DAB1: variants seen among roughly 807,000 people sequenced by gnomAD.
DAB1 encodes the protein DAB adaptor protein 1.
Under a neutral mutation model 64.6 loss-of-function variants are expected in DAB1, and 15 were observed. The observed-to-expected ratio is 0.23, with a 90% CI of 0.16 to 0.36. The LOEUF (loss-of-function observed/expected upper bound fraction) is 0.36. Among genes scored for constraint, DAB1 ranks in the 10% least tolerant of loss-of-function variants. DAB1 has a pLI of 1.00. For missense variants in DAB1, 596 were observed against 706.7 expected (o/e 0.84, Z 1.78); for synonymous variants, 235 against 251.9 (o/e 0.93, Z 0.64).
intron 3 of DAB1, among the ~76,000 whole-genome samples, chr1:58,455,298 A>G (rs1363439265): frequency 6.6e-6 from 1 of 152,260 alleles, no homozygotes; most frequent in Non-Finnish European, 1.5e-5. Context: ...TTGCCCTTCC[A>G]CAGGGCGAGG....
chr1:57,473,971 A>G (rs1183921129), intron 7 of DAB1, among the ~76,000 whole-genome samples: 1 of 152,220 alleles, frequency 6.6e-6, no homozygotes, highest in Non-Finnish European at 1.5e-5. Flanking sequence ...CAGATTTACG[A>G]TCAATATAAA....
chr1:57,621,014 T>G (rs1047579441), intron 7 of DAB1, among the ~76,000 whole-genome samples: 7 of 150,998 alleles, frequency 4.6e-5, no homozygotes, highest in African/African-American at 9.7e-5. Flanking sequence ...TGTGTCTGGG[T>G]GTGTGTGTGT....
chr1:57,039,372 G>A (rs1166922163), intron 9 of DAB1, among the ~76,000 whole-genome samples: 1 of 152,144 alleles, frequency 6.6e-6, no homozygotes, highest in African/African-American at 2.4e-5. Flanking sequence ...GAGGGCAGGA[G>A]GAAAAATAGT....
intron 3 of DAB1, among the ~76,000 whole-genome samples, chr1:58,422,113 C>T (rs1644778209): frequency 6.6e-6 from 1 of 152,012 alleles, no homozygotes; most frequent in African/African-American, 2.4e-5. Context: ...GCATTTCATA[C>T]CTATTCCCAC....
At position 58,197,181 on chromosome 1, in the gene DAB1, C is replaced by CTGTG. The variant is rs1258211985; in HGVS notation, n.310-46594_310-46593insCACA. Among the ~76,000 whole-genome samples the CTGTG allele has an allele frequency of 3.3e-5, 5 of 152,214 alleles. No individual in the cohort carries two copies. The East Asian group carries it at 9.7e-4, about 29-fold the overall frequency. ...ACCCCCTGCAAGCTTCAGTGGCCTA[C>CTGTG]AACATGAATGAAAAGTGAGGTTTTA... On this transcript the variant is annotated intron_variant and non_coding_transcript_variant, in intron 4 of 20. Transcript: ENST00000485760.
rs55950458 is a variant in DAB1 at position 57,387,821 on chromosome 1, C to CAAAAAAA, written c.-137+36102_-137+36108dup. 2.9e-3 allele frequency among the ~76,000 whole-genome samples: 302 copies of CAAAAAAA among 104,086 alleles called. 1 individual carries two copies. Among genetic ancestry groups the CAAAAAAA allele is most frequent in the African/African-American group, 7.0e-3 (197 of 28,198 alleles). 68.3% of individuals were successfully genotyped at this position (104,086 alleles called of 152,430 possible). ...TGGGTGACAGAGCAAGACTCAGCCT[C>CAAAAAAA]AAAAAAAAAAAAAAAAAAGAGAGAG... On this transcript the variant is annotated intron_variant, in intron 1 of 14. Transcript: ENST00000371236.
Position 57,015,061 on chromosome 1 carries a change from C to T in DAB1, c.1266G>A (p.Gln422=), listed in dbSNP as rs1280975488. 1.2e-6 allele frequency: 2 copies of T among 1,614,032 alleles called. No homozygotes were observed. The highest frequency in any genetic ancestry group is 1.7e-6 in the Non-Finnish European group (2 of 1,180,032). Residue 422 remains glutamine (Q), a synonymous_variant, in exon 12 of 15, where the codon CAG becomes CAA. Coordinates refer to ENST00000371236, the MANE Select transcript of DAB1 (RefSeq NM_001365792.1). The part of the protein sequence containing the change: ...KETFKDFQMA[Q]PPPVPSRKPD... ...GTTTGCGGGAGGGCACGGGCGGAGG[C>T]TGGGCCATCTGGAAATCCTTAAACG... is the stretch of plus-strand genomic sequence containing the variant.
At chr1:57,659,692 G>A (rs1180303236) in intron 6 of DAB1, among the ~76,000 whole-genome samples, 1 of 152,002 alleles carries the variant, frequency 6.6e-6, no homozygotes, top group Non-Finnish European at 1.5e-5. Flanking sequence ...AAAAAAGATG[G>A]GGGCTGGGTG....
intron 3 of DAB1, among the ~76,000 whole-genome samples, chr1:58,484,725 T>G (rs911035055): frequency 2.6e-5 from 4 of 152,122 alleles, no homozygotes; most frequent in Admixed American, 1.3e-4. Flanking sequence ...AGAATATTAT[T>G]CAGATCTAAG....
intron 1 of DAB1, among the ~76,000 whole-genome samples, chr1:57,301,691 T>C (rs1570215666): frequency 6.6e-6 from 1 of 152,308 alleles, no homozygotes; most frequent in East Asian, 1.9e-4. Context: ...ATCTTCAAAG[T>C]TGACAATCAG....
chr1:57,942,448 A>G (rs747733981), intron 5 of DAB1, among the ~76,000 whole-genome samples: 19 of 152,210 alleles, frequency 1.2e-4, no homozygotes, highest in Non-Finnish European at 2.8e-4. Flanking sequence ...ATTTCTAAAT[A>G]TAAGTGTTGG....
intron 4 of DAB1, among the ~76,000 whole-genome samples, chr1:58,231,085 A>G (rs533004403): frequency 2.0e-5 from 3 of 152,368 alleles, no homozygotes; most frequent in African/African-American, 7.2e-5. Context: ...TAGTTAACAA[A>G]TGTAAAGTAC....
At chr1:57,626,720 C>T (rs1436419201) in intron 7 of DAB1, among the ~76,000 whole-genome samples, 2 of 152,142 alleles carry the variant, frequency 1.3e-5, no homozygotes, top group African/African-American at 4.8e-5. Context: ...TCCTGCTTCA[C>T]AGATAGCCAT....
chr1:57,083,294 G>A (rs1164325188), intron 4 of DAB1, among the ~76,000 whole-genome samples: 2 of 152,176 alleles, frequency 1.3e-5, no homozygotes, highest in African/African-American at 2.4e-5. Context: ...GGCAGCCTCT[G>A]TGCACTTGAA....
chr1:57,091,219 A>T (rs1405988528), intron 4 of DAB1, among the ~76,000 whole-genome samples: 1 of 152,080 alleles, frequency 6.6e-6, no homozygotes, highest in Non-Finnish European at 1.5e-5. Context: ...TGTCAAAAAG[A>T]TTAGGGACTG....
intron 3 of DAB1, among the ~76,000 whole-genome samples, chr1:58,470,617 C>T (rs1318741052): frequency 6.6e-6 from 1 of 152,160 alleles, no homozygotes. Context: ...AACTGGAAAC[C>T]TGGTTAGCGA....
At chr1:57,321,605 C>A (rs1675720879) in intron 1 of DAB1, among the ~76,000 whole-genome samples, 1 of 152,224 alleles carries the variant, frequency 6.6e-6, no homozygotes, top group African/African-American at 2.4e-5. Flanking sequence ...TGGAAGGAAT[C>A]ATAAAAAGCA....
At chr1:58,173,557 T>C (rs1216775911) in intron 4 of DAB1, among the ~76,000 whole-genome samples, 1 of 152,148 alleles carries the variant, frequency 6.6e-6, no homozygotes, top group East Asian at 1.9e-4. Flanking sequence ...AAATGGTTTT[T>C]TCTCCAATGG....
At chr1:57,779,995 C>T (rs765428156) in intron 6 of DAB1, among the ~76,000 whole-genome samples, 63 of 152,016 alleles carry the variant, frequency 4.1e-4, no homozygotes, top group Non-Finnish European at 7.9e-4. Flanking sequence ...GATAGGAGAA[C>T]GATGCTTTAA....
Sources: gnomAD v4.1 joint callset for allele counts (sites outside exome capture counted in the v4.1 genomes callset) on GRCh38, gnomAD v4.1.1 for gene constraint, MANE v1.5 for transcripts, NCBI Gene and HGNC (gene_info 2026-07-23, HGNC 2026-07-21) for gene names.